The following PLA2G4E variants were observed in gnomAD, a reference collection of about 807,000 sequenced individuals.
PLA2G4E encodes cytosolic phospholipase A2 epsilon.
A neutral mutation model predicts 109.1 loss-of-function variants in PLA2G4E; 84 were observed. The observed-to-expected ratio is 0.77, with a 90% confidence interval of 0.65 to 0.92. The LOEUF is 0.92. Ranked by LOEUF, PLA2G4E falls within the 40% of genes least tolerant of loss-of-function variation. The probability of loss-of-function intolerance (pLI) is 0.00; values close to 1 mark genes in which losing one functional copy is unlikely to be tolerated. For synonymous variants in PLA2G4E, 469 were observed against 436.1 expected, an observed-to-expected ratio of 1.08 and a Z score of -0.94; for missense variants, 1,057 against 1,076.6, an observed-to-expected ratio of 0.98 and a Z score of 0.25.
chr15:42,014,248 G>A (rs2068567199), intron 1 of PLA2G4E, among the ~76,000 whole-genome samples: 1 of 152,098 alleles, frequency 6.6e-6, no homozygotes, highest in South Asian at 2.1e-4. Context: ...CAGCCTGGAA[G>A]GTCCTGGAAG....
chr15:42,012,602 G>T (rs2068548048), intron 2 of PLA2G4E, among the ~76,000 whole-genome samples: 1 of 152,136 alleles, frequency 6.6e-6, no homozygotes, highest in Admixed American at 6.5e-5. Flanking sequence ...CTCAGGTCCT[G>T]CCCCTCTCAG....
chr15:42,016,241 C>CTTTTTT (rs1168452228), intron 1 of PLA2G4E, among the ~76,000 whole-genome samples: 13 of 104,680 alleles, frequency 1.2e-4, no homozygotes, highest in East Asian at 2.7e-4. Context: ...TTTATCTTTA[C>CTTTTTT]TTTTTTTTTT....
At chr15:42,002,777 G>C in intron 5 of PLA2G4E, 81 bp from the exon 6 acceptor site, 12 of 1,268,306 alleles carry the variant, frequency 9.5e-6, no homozygotes, top group Non-Finnish European at 1.3e-5. Context: ...GGAATAAATA[G>C]GGTCAATAAC....
At chr15:42,043,989 C>T (rs914833788) in intron 1 of PLA2G4E, among the ~76,000 whole-genome samples, 7 of 152,042 alleles carry the variant, frequency 4.6e-5, no homozygotes, top group Admixed American at 1.3e-4. Context: ...GTACTTGGAC[C>T]GCAAAGAACC....
chr15:41,995,543 AG>A, intron 11 of PLA2G4E, 47 bp from the exon 12 acceptor site: 1 of 1,603,430 alleles, frequency 6.2e-7, no homozygotes, highest in South Asian at 1.1e-5. Flanking sequence ...CCAGAAGCAA[AG>A]CTTGGGAGAA....
intron 2 of PLA2G4E, 109 bp from the exon 3 acceptor site, chr15:42,007,974 G>C: frequency 8.2e-7 from 1 of 1,215,198 alleles, no homozygotes; most frequent in East Asian, 2.6e-5. Flanking sequence ...CTCAGCTCCA[G>C]TTCCTCTCCT....
intron 2 of PLA2G4E, chr15:42,010,086 C>A (rs1452399640): frequency 2.0e-6 from 1 of 503,856 alleles, no homozygotes; most frequent in African/African-American, 2.0e-5. Context: ...CACCAGGAAC[C>A]TGCTCAGCCC....
intron 1 of PLA2G4E, among the ~76,000 whole-genome samples, chr15:42,043,594 A>G (rs1369255545): frequency 2.0e-5 from 3 of 150,842 alleles, no homozygotes; most frequent in African/African-American, 7.3e-5. Flanking sequence ...ACAACCACAA[A>G]CCAAAGAGGC....
At chr15:42,038,486 A>G (rs1405385786) in intron 1 of PLA2G4E, among the ~76,000 whole-genome samples, 1 of 152,214 alleles carries the variant, frequency 6.6e-6, no homozygotes, top group African/African-American at 2.4e-5. Flanking sequence ...AGATTCTCAC[A>G]AGGAGCGTGC....
intron 17 of PLA2G4E, chr15:41,986,926 C>A: frequency 3.6e-6 from 2 of 549,432 alleles, no homozygotes; most frequent in Non-Finnish European, 6.5e-6. Flanking sequence ...GACTGTTGTA[C>A]AGATTCTGTA....
At chr15:42,049,928 T>C (rs1889478996) in intron 1 of PLA2G4E, among the ~76,000 whole-genome samples, 1 of 152,262 alleles carries the variant, frequency 6.6e-6, no homozygotes, top group African/African-American at 2.4e-5. Context: ...GTTTGATTTC[T>C]GTAGCCCACT....
intron 12 of PLA2G4E, 23 bp downstream of exon 12, chr15:41,995,333 CACAG>C: frequency 6.2e-7 from 1 of 1,605,280 alleles, no homozygotes. Flanking sequence ...CCCTGGGCTC[CACAG>C]ACAGTGGCTC....
At chr15:41,985,864 T>G in exon 18 of PLA2G4E, 1 of 1,611,172 alleles carries the variant, frequency 6.2e-7, no homozygotes, top group Non-Finnish European at 8.5e-7. Flanking sequence ...AGCACAGTAG[T>G]TGAGGTGGAT....
chr15:42,007,721 T>C lies in PLA2G4E; in HGVS notation c.393+8A>G. On this transcript the variant is annotated splice_region_variant and intron_variant, in intron 3 of 19. Transcript: ENST00000399518. ...CAGGGAAGACAGGTGCAGTCCTCCA[T>C]GTCTCACCTTCACTCGGCTCTGGAT... 2 of 1,610,836 alleles carry C rather than the reference T, an allele frequency of 1.2e-6. No individual in the cohort carries two copies. Among genetic ancestry groups the C allele is most frequent in the Non-Finnish European group, 1.7e-6 (2 of 1,178,524 alleles).
exon 14 of PLA2G4E, chr15:41,990,212 A>C: frequency 6.2e-7 from 1 of 1,613,718 alleles, no homozygotes; most frequent in East Asian, 2.2e-5. Flanking sequence ...CAGCACGCTG[A>C]TCTGACAGTT....
rs757345392 is a variant in PLA2G4E at position 41,990,191 on chromosome 15, G to A, written c.1515C>T (p.Cys505=). Residue 505 remains cysteine, a synonymous_variant, in exon 14 of 20, where the codon TGC becomes TGT. Transcript: ENST00000399518. ...GGTAGATGGGCAGGGGGTTCTGGCCGCAGCTCAAAGCAGCACGCTGATCTG... is the reference window on the plus strand; with the variant it reads ...GGTAGATGGGCAGGGGGTTCTGGCCACAGCTCAAAGCAGCACGCTGATCTG... The A allele has an allele frequency of 4.0e-5, 65 of 1,613,644 alleles. 1 individual carries two copies. In the Middle Eastern group the frequency reaches 7.2e-3, roughly 179 times the overall value.
At position 42,015,431 on chromosome 15, in the gene PLA2G4E, G is replaced by A. The variant is rs545905546; in HGVS notation, c.184-1674C>T. Among the ~76,000 whole-genome samples the A allele has an allele frequency of 2.0e-5, 3 of 152,322 alleles. No individual in the cohort carries two copies. In the South Asian group the frequency reaches 6.2e-4, roughly 32 times the overall value. On this transcript the variant is annotated intron_variant, in intron 1 of 19. Coordinates refer to ENST00000399518, the Ensembl canonical transcript of PLA2G4E. ...TCCCGTTTCACCCCTCTCCTGGCCA[G>A]CGTCTCTTCCATGGGCTGTTTTCAG...
chr15:42,024,108 G>A (rs2068672088), intron 1 of PLA2G4E, among the ~76,000 whole-genome samples: 1 of 148,096 alleles, frequency 6.8e-6, no homozygotes, highest in Non-Finnish European at 1.5e-5. Context: ...TGGTAAATTG[G>A]CCAGTGTGGG....
At chr15:42,040,756 G>A (rs879031605) in intron 1 of PLA2G4E, among the ~76,000 whole-genome samples, 31 of 152,290 alleles carry the variant, frequency 2.0e-4, no homozygotes, top group Middle Eastern at 3.4e-3. Context: ...CCAGAACTTC[G>A]CTGAACATTG....
Sources: allele counts gnomAD v4.1 joint callset (sites outside exome capture counted in the v4.1 genomes callset), GRCh38; gene constraint gnomAD v4.1.1; transcripts MANE v1.5; gene names NCBI Gene and HGNC (gene_info 2026-07-23, HGNC 2026-07-21).